EHMT1: variants seen among roughly 807,000 people sequenced by gnomAD.
EHMT1 encodes histone-lysine N-methyltransferase EHMT1.
In EHMT1, 15 loss-of-function variants were observed where a neutral mutation model predicts 147.2. The observed-to-expected ratio is 0.10, with a 90% CI of 0.07 to 0.16. EHMT1 has a LOEUF of 0.16. EHMT1 is among the 10% of genes least tolerant of loss of function. The pLI is 1.00. For missense variants in EHMT1, 1,587 were observed against 1,772.4 expected, an observed-to-expected ratio of 0.90 and a Z score of 1.88; for synonymous variants, 795 against 709.6, an observed-to-expected ratio of 1.12 and a Z score of -1.91.
chr9:137,708,201 C>G (rs754577700), intron 1 of EHMT1, among the ~76,000 whole-genome samples: 1 of 152,216 alleles, frequency 6.6e-6, no homozygotes, highest in African/African-American at 2.4e-5. Context: ...TCTGTCATGT[C>G]TGGCTAATCG....
intron 6 of EHMT1, among the ~76,000 whole-genome samples, chr9:137,749,410 C>T (rs969912406): frequency 6.6e-6 from 1 of 152,054 alleles, no homozygotes; most frequent in Non-Finnish European, 1.5e-5. Flanking sequence ...TAGCTAGGAC[C>T]ACAGGCATGC....
At position 137,782,224 on chromosome 9, in the gene EHMT1, G is replaced by A. The variant is rs191123145; in HGVS notation, c.2276-67G>A. ...CATTTGTGAGTGCTTGCCAGCCATC[G>A]TGACAGTCCTGAGCTGGAGTCTGTG... On this transcript the variant is annotated intron_variant, in intron 14 of 26. Transcript: ENST00000460843. The surrounding 1 kb of genome is among the most constrained non-coding windows in gnomAD (Gnocchi z 5.7). 9.2e-5 allele frequency: 134 copies of A among 1,449,086 alleles called. No individual in the cohort carries two copies. In the East Asian group the frequency reaches 1.0e-3, roughly 11 times the overall value. The allele number at this position is 1,449,086 out of a possible 1,614,324, so 89.8% of individuals were successfully genotyped here.
Position 137,762,872 on chromosome 9 carries a change from C to T in EHMT1, c.1647+52C>T, listed in dbSNP as rs1415940648. ...CAGCCACGAGGAGTGAGTGAGAAAG[C>T]CCAGCCCAGCAGGGGCCCCGACAGC... is the stretch of plus-strand genomic sequence containing the variant. On this transcript the variant is annotated intron_variant, in intron 10 of 26. Transcript: ENST00000460843. 2.5e-6 allele frequency: 4 copies of T among 1,610,032 alleles called. No homozygotes were observed. In the African/African-American group the frequency reaches 5.3e-5, roughly 21 times the overall value.
At position 137,776,570 on chromosome 9, in the gene EHMT1, A is replaced by G; in HGVS notation, c.1792-48A>G. 1 of 1,592,648 alleles carries G rather than the reference A, an allele frequency of 6.3e-7. No homozygotes were observed. Among genetic ancestry groups the G allele is most frequent in the Non-Finnish European group, 8.6e-7 (1 of 1,161,952 alleles). On this transcript the variant is annotated intron_variant, in intron 11 of 26. Transcript: ENST00000460843. This position sits in a 1 kb window ranked among gnomAD's most constrained non-coding sequence, Gnocchi z 4.4. The stretch of plus-strand genomic sequence containing the variant: ...TTAGTAGTACTTTATTTTTCTAAAT[A>G]TTAACCCCAATTAAAACAAAAATTT...
chr9:137,750,920 C>T (rs1453360229), intron 6 of EHMT1, among the ~76,000 whole-genome samples: 1 of 152,178 alleles, frequency 6.6e-6, no homozygotes, highest in African/African-American at 2.4e-5. Context: ...ATGGTTGGGC[C>T]AGTTGACTAA....
intron 1 of EHMT1, among the ~76,000 whole-genome samples, chr9:137,663,475 A>G (rs750154291): frequency 1.3e-5 from 2 of 152,218 alleles, no homozygotes; most frequent in Non-Finnish European, 2.9e-5. Context: ...AGCACACTTG[A>G]GGTCCACAGA....
chr9:137,810,204 C>G lies in EHMT1; in HGVS notation c.2713-1257C>G, dbSNP rs112033278. Among the ~76,000 whole-genome samples, 195 of 106,110 alleles carry G rather than the reference C, an allele frequency of 1.8e-3. No individual in the cohort carries two copies. In the African/African-American group the frequency reaches 0.023, roughly 12 times the overall value. 69.6% of individuals were successfully genotyped at this position (106,110 alleles called of 152,430 possible). On this transcript the variant is annotated intron_variant, in intron 18 of 26. Transcript: ENST00000460843. ...TCCGATGCCGCCCCGTGTGGACCGT[C>G]GGTGATGGGTCCGGAGGCGGTTCCG...
intron 1 of EHMT1, among the ~76,000 whole-genome samples, chr9:137,690,111 G>A (rs1040084057): frequency 1.2e-4 from 19 of 152,180 alleles, no homozygotes; most frequent in African/African-American, 4.6e-4. Flanking sequence ...CCAAGGTGAC[G>A]TGGGGAAAAC....
At chr9:137,635,010 G>A (rs1221415564) in intron 1 of EHMT1, among the ~76,000 whole-genome samples, 3 of 150,932 alleles carry the variant, frequency 2.0e-5, no homozygotes, top group African/African-American at 4.9e-5. Context: ...GTGAGCCACT[G>A]CGCCCGGCTG....
At chr9:137,654,435 C>A (rs749487279) in intron 1 of EHMT1, among the ~76,000 whole-genome samples, 3 of 143,490 alleles carry the variant, frequency 2.1e-5, no homozygotes, top group Non-Finnish European at 3.0e-5. Context: ...ATATGTGAGT[C>A]TGTTTCTGAA....
intron 3 of EHMT1, among the ~76,000 whole-genome samples, chr9:137,724,847 T>TGGCAGACGTGTGGCATTCGTGG: frequency 6.7e-6 from 1 of 149,708 alleles, no homozygotes; most frequent in Non-Finnish European, 1.5e-5. Flanking sequence ...GGCATTCGTG[T>TGGCAGACGTGTGGCATTCGTGG]GGCAGACGTG....
chr9:137,695,458 A>G (rs753594713), intron 1 of EHMT1, among the ~76,000 whole-genome samples: 36 of 152,332 alleles, frequency 2.4e-4, no homozygotes, highest in Middle Eastern at 3.4e-3. Context: ...CAGGGACTGC[A>G]CTGCCCTGAA....
intron 14 of EHMT1, 151 bp downstream of exon 14, chr9:137,779,868 T>G (rs1951247657): frequency 1.3e-6 from 1 of 798,302 alleles, no homozygotes; most frequent in Non-Finnish European, 2.1e-6. Flanking sequence ...GAGAATAGGT[T>G]GCCCACTGGT....
rs546039825 is a variant in EHMT1 at position 137,790,233 on chromosome 9, G to A, written c.2383-615G>A. 5.3e-5 allele frequency among the ~76,000 whole-genome samples: 8 copies of A among 152,264 alleles called. No homozygotes were observed. The East Asian group carries it at 1.5e-3, about 29-fold the overall frequency. Reference sequence around the variant, plus strand: ...TGTCATCTAAGAAGTTTTTCCTCATGGAGAAAAGGTTTCAACAGCCAAACA... The same window carrying A: ...TGTCATCTAAGAAGTTTTTCCTCATAGAGAAAAGGTTTCAACAGCCAAACA... On this transcript the variant is annotated intron_variant, in intron 15 of 26. Coordinates refer to ENST00000460843, the MANE Select transcript of EHMT1 (RefSeq NM_024757.5).
intron 2 of EHMT1, among the ~76,000 whole-genome samples, chr9:137,714,660 C>T (rs938010861): frequency 6.6e-6 from 1 of 151,594 alleles, no homozygotes; most frequent in East Asian, 1.9e-4. Flanking sequence ...TCAAGCGACC[C>T]TCCTGCCACA....
At chr9:137,784,261 C>A in intron 15 of EHMT1, 1 of 1,508,332 alleles carries the variant, frequency 6.6e-7, no homozygotes, top group Non-Finnish European at 8.9e-7. Context: ...GGAGCAGGTC[C>A]ATTCCTGGGG....
chr9:137,686,090 T>C (rs1942400042), intron 1 of EHMT1, among the ~76,000 whole-genome samples: 3 of 152,170 alleles, frequency 2.0e-5, no homozygotes, highest in Admixed American at 1.3e-4. Context: ...AAGAGTTCTT[T>C]ATATTTTCCA....
chr9:137,653,344 A>G (rs1008153061), intron 1 of EHMT1, among the ~76,000 whole-genome samples: 2 of 152,174 alleles, frequency 1.3e-5, no homozygotes, highest in African/African-American at 2.4e-5. Context: ...GCTCTACCCC[A>G]TAGCCTCGGT....
chr9:137,804,077 G>C (rs1014852371), intron 18 of EHMT1, among the ~76,000 whole-genome samples: 6 of 152,212 alleles, frequency 3.9e-5, no homozygotes, highest in African/African-American at 7.2e-5. Flanking sequence ...TGGCAGGAGA[G>C]ATTGAGGAGC....
Sources: allele counts gnomAD v4.1 joint callset (sites outside exome capture counted in the v4.1 genomes callset), GRCh38; gene constraint gnomAD v4.1.1; non-coding constraint Gnocchi (gnomAD v3.1); transcripts MANE v1.5; gene names NCBI Gene and HGNC (gene_info 2026-07-23, HGNC 2026-07-21).